B4GALT5: variants seen among roughly 807,000 people sequenced by gnomAD.
B4GALT5 encodes the protein beta-1,4-galactosyltransferase 5.
B4GALT5 carries 11 observed loss-of-function variants against 45.0 expected under a neutral mutation model. That is an observed-to-expected ratio of 0.24 (90% CI 0.15 to 0.40). B4GALT5 has a LOEUF of 0.40. Ranked by LOEUF, B4GALT5 falls within the 10% of genes least tolerant of loss-of-function variation. The pLI is 1.00. For synonymous variants in B4GALT5, 185 were observed against 182.9 expected, an observed-to-expected ratio of 1.01 and a Z score of -0.09; for missense variants, 337 against 500.2, an observed-to-expected ratio of 0.67 and a Z score of 3.11.
chr20:49,650,084 T>C (rs940674628), intron 2 of B4GALT5, among the ~76,000 whole-genome samples: 2 of 152,342 alleles, frequency 1.3e-5, no homozygotes, highest in Admixed American at 6.5e-5. Flanking sequence ...CTAACTCTAA[T>C]GATTCTACTA....
At chr20:49,686,510 G>A (rs750055884) in intron 1 of B4GALT5, among the ~76,000 whole-genome samples, 21 of 151,706 alleles carry the variant, frequency 1.4e-4, no homozygotes, top group Non-Finnish European at 2.8e-4. Context: ...TTCACAGATG[G>A]CAAGCCAATG....
At chr20:49,694,989 G>A (rs2085832642) in intron 1 of B4GALT5, among the ~76,000 whole-genome samples, 1 of 152,086 alleles carries the variant, frequency 6.6e-6, no homozygotes. Flanking sequence ...CAACCCTGCT[G>A]ATGCTCACTT....
intron 7 of B4GALT5, among the ~76,000 whole-genome samples, chr20:49,638,854 A>G (rs1320057896): frequency 2.0e-5 from 3 of 152,226 alleles, no homozygotes; most frequent in Non-Finnish European, 2.9e-5. Context: ...CTAAATATAC[A>G]CCAGGAAATA....
chr20:49,665,287 G>A (rs1239061604), intron 1 of B4GALT5, among the ~76,000 whole-genome samples: 1 of 151,284 alleles, frequency 6.6e-6, no homozygotes, highest in East Asian at 2.0e-4. Flanking sequence ...TGGGCATGAT[G>A]GCGTACTCCC....
chr20:49,683,741 A>T (rs1334553108), intron 1 of B4GALT5, among the ~76,000 whole-genome samples: 1 of 152,042 alleles, frequency 6.6e-6, no homozygotes, highest in Non-Finnish European at 1.5e-5. Flanking sequence ...CAGCTGAATG[A>T]CCTTTGGCAA....
chr20:49,670,172 C>T (rs140851328), intron 1 of B4GALT5, among the ~76,000 whole-genome samples: 22 of 152,322 alleles, frequency 1.4e-4, no homozygotes, highest in African/African-American at 5.1e-4. Context: ...CGGAATCTTA[C>T]ACATCTTTAA....
intron 1 of B4GALT5, among the ~76,000 whole-genome samples, chr20:49,682,616 TA>T (rs2085768729): frequency 6.6e-6 from 1 of 152,070 alleles, no homozygotes; most frequent in Non-Finnish European, 1.5e-5. Context: ...CTCATCACAA[TA>T]TATTTAAAAT....
intron 1 of B4GALT5, among the ~76,000 whole-genome samples, chr20:49,711,074 A>C (rs900965785): frequency 1.6e-4 from 14 of 87,782 alleles, no homozygotes; most frequent in African/African-American, 5.7e-4. Context: ...GAGACTCTCT[A>C]TCAAAAAAAA....
intron 1 of B4GALT5, among the ~76,000 whole-genome samples, chr20:49,658,827 A>G (rs964713034): frequency 2.0e-5 from 3 of 152,328 alleles, no homozygotes; most frequent in African/African-American, 7.2e-5. Flanking sequence ...TGGACTAAGG[A>G]CCACACTTCT....
At chr20:49,705,071 A>C (rs2085878637) in intron 1 of B4GALT5, among the ~76,000 whole-genome samples, 1 of 152,230 alleles carries the variant, frequency 6.6e-6, no homozygotes, top group African/African-American at 2.4e-5. Context: ...GCTTGGGAAA[A>C]CACTGAATTC....
chr20:49,685,148 AAC>A (rs2085780158), intron 1 of B4GALT5, among the ~76,000 whole-genome samples: 1 of 152,180 alleles, frequency 6.6e-6, no homozygotes, highest in African/African-American at 2.4e-5. Flanking sequence ...TATGCACTTA[AAC>A]ACACCACTCC....
Position 49,642,499 on chromosome 20 carries a change from C to A in B4GALT5, c.575G>T (p.Arg192Leu). The A allele has an allele frequency of 6.2e-7, 1 of 1,613,890 alleles. No homozygotes were observed. Among genetic ancestry groups the A allele is most frequent in the East Asian group, 2.2e-5 (1 of 44,878 alleles). ...RHLLPMLQRQ[R>L]LQFAFYVVEQ... ...AACCACATAAAATGCAAACTGCAAGCGCTGGCGCTGGAGCATGGGAAGCAG... is the reference window on the plus strand; with the variant it reads ...AACCACATAAAATGCAAACTGCAAGAGCTGGCGCTGGAGCATGGGAAGCAG... Residue 192 changes from arginine to leucine, a missense_variant, in exon 5 of 9, where the codon CGC (arginine) becomes CTC (leucine). Around this residue, in one of 2 missense-constraint regions of B4GALT5, gnomAD observed 163 missense variants for 292.8 expected, o/e 0.56. Transcript: ENST00000371711.
chr20:49,666,452 G>A (rs115016110), intron 1 of B4GALT5, among the ~76,000 whole-genome samples: 1,548 of 152,134 alleles, frequency 0.01, 26 homozygotes, highest in African/African-American at 0.036. Flanking sequence ...ATAAAATGTG[G>A]GATTTATAAC....
At chr20:49,701,885 T>C (rs1388973004) in intron 1 of B4GALT5, among the ~76,000 whole-genome samples, 2 of 151,914 alleles carry the variant, frequency 1.3e-5, no homozygotes, top group Admixed American at 1.3e-4. Flanking sequence ...ACCAAAATGG[T>C]GAAACCCCAT....
At chr20:49,668,727 C>A (rs1006738276) in intron 1 of B4GALT5, among the ~76,000 whole-genome samples, 27 of 152,086 alleles carry the variant, frequency 1.8e-4, no homozygotes, top group African/African-American at 5.8e-4. Context: ...CACCTCCGCA[C>A]CCCCTCGTCC....
chr20:49,648,366 T>C (rs1386613472), intron 2 of B4GALT5, among the ~76,000 whole-genome samples: 1 of 152,210 alleles, frequency 6.6e-6, no homozygotes, highest in Non-Finnish European at 1.5e-5. Flanking sequence ...TCTCTGGGGT[T>C]ATTAAGTCTC....
intron 1 of B4GALT5, among the ~76,000 whole-genome samples, chr20:49,707,515 A>C (rs2085889461): frequency 6.6e-6 from 1 of 152,172 alleles, no homozygotes; most frequent in African/African-American, 2.4e-5. Context: ...GTCAAGAAAA[A>C]AAAAAGGCTA....
chr20:49,691,882 A>G (rs1380775555), intron 1 of B4GALT5, among the ~76,000 whole-genome samples: 1 of 152,164 alleles, frequency 6.6e-6, no homozygotes, highest in African/African-American at 2.4e-5. Context: ...AAAAAACAAA[A>G]CCCTAGGCAG....
intron 1 of B4GALT5, among the ~76,000 whole-genome samples, chr20:49,658,554 G>A (rs1415482390): frequency 6.6e-6 from 1 of 152,048 alleles, no homozygotes; most frequent in East Asian, 1.9e-4. Flanking sequence ...GTAAGGTGCC[G>A]CCAAGAACTC....
Sources: allele counts gnomAD v4.1 joint callset (sites outside exome capture counted in the v4.1 genomes callset), GRCh38; gene constraint gnomAD v4.1.1; regional missense constraint gnomAD v4.1.1; transcripts MANE v1.5; gene names NCBI Gene and HGNC (gene_info 2026-07-23, HGNC 2026-07-21).